The following FAM107B variants were observed in gnomAD, a reference collection of about 807,000 sequenced individuals.
FAM107B encodes protein FAM107B.
FAM107B carries 21 observed loss-of-function variants against 31.5 expected under a neutral mutation model. The ratio of observed to expected loss-of-function variants is 0.67; its 90% confidence interval spans 0.47 to 0.96. The LOEUF is 0.96. Among genes scored for constraint, FAM107B ranks in the 40% least tolerant of loss-of-function variants. The pLI, the probability that FAM107B is intolerant of heterozygous loss-of-function variation, is 0.00. For synonymous variants in FAM107B, 157 were observed against 141.5 expected, an observed-to-expected ratio of 1.11 and a Z score of -0.78; for missense variants, 452 against 377.1, an observed-to-expected ratio of 1.20 and a Z score of -1.64.
intron 2 of FAM107B, among the ~76,000 whole-genome samples, chr10:14,560,585 C>T (rs1351722677): frequency 6.6e-6 from 1 of 152,178 alleles, no homozygotes; most frequent in East Asian, 1.9e-4. Context: ...ACTGAGCAGT[C>T]GATGGAAGGC....
intron 2 of FAM107B, among the ~76,000 whole-genome samples, chr10:14,636,759 G>T (rs1853510469): frequency 6.6e-6 from 1 of 152,150 alleles, no homozygotes; most frequent in South Asian, 2.1e-4. Flanking sequence ...TGTCTACTGA[G>T]TCGAGTTCTT....
intron 2 of FAM107B, among the ~76,000 whole-genome samples, chr10:14,643,673 G>C (rs913941800): frequency 9.2e-5 from 14 of 152,140 alleles, no homozygotes; most frequent in African/African-American, 3.4e-4. Flanking sequence ...GCCTCCCAAA[G>C]TGCTGGGATT....
At chr10:14,772,385 C>T (rs1833327023) in intron 1 of FAM107B, among the ~76,000 whole-genome samples, 1 of 146,110 alleles carries the variant, frequency 6.8e-6, no homozygotes, top group African/African-American at 2.7e-5. Context: ...ATATATGCAC[C>T]TCACTGTCAC....
intron 2 of FAM107B, among the ~76,000 whole-genome samples, chr10:14,582,623 C>T (rs1851676772): frequency 6.6e-6 from 1 of 151,710 alleles, no homozygotes; most frequent in South Asian, 2.1e-4. Flanking sequence ...GTGATCTGCC[C>T]CCCTCGGCCT....
chr10:14,691,891 C>CGCAAA lies in FAM107B; in HGVS notation c.412-24201_412-24200insTTTGC, dbSNP rs765508071. 5.7e-4 allele frequency among the ~76,000 whole-genome samples: 59 copies of CGCAAA among 103,350 alleles called. 2 individuals carry two copies. Among genetic ancestry groups the CGCAAA allele is most frequent in the South Asian group, 1.1e-3 (4 of 3,580 alleles). The allele number at this position is 103,350 out of a possible 152,430, so 67.8% of individuals were successfully genotyped here. Reference sequence around the variant, plus strand: ...CCTGAGCTACAGAGTGAGACTCTGTCACAAAAAAAAAAAAAAAAAATTAAA... The same window carrying CGCAAA: ...CCTGAGCTACAGAGTGAGACTCTGTCGCAAAACAAAAAAAAAAAAAAAAAATTAAA... On this transcript the variant is annotated intron_variant, in intron 1 of 4. Transcript: ENST00000181796.
At chr10:14,660,096 T>C (rs750225588) in intron 2 of FAM107B, among the ~76,000 whole-genome samples, 4 of 152,112 alleles carry the variant, frequency 2.6e-5, no homozygotes, top group Non-Finnish European at 5.9e-5. Context: ...AAAGAGGGTG[T>C]TCTGATGAAA....
chr10:14,530,345 TAAG>T lies in FAM107B; in HGVS notation c.637_639del (p.Leu213del). On this transcript the variant is annotated inframe_deletion, in exon 3 of 5. Coordinates refer to ENST00000181796, the MANE Select transcript of FAM107B (RefSeq NM_031453.4). ...AAACCATTTTACCTTTTTTGATTCA[TAAG>T]AAGTTCTCTGTGAAGATCTTGATGG... 1 of 1,608,926 alleles carries T rather than the reference TAAG, an allele frequency of 6.2e-7. No individual in the cohort carries two copies.
intron 1 of FAM107B, among the ~76,000 whole-genome samples, chr10:14,754,371 G>A (rs189573666): frequency 2.6e-4 from 40 of 152,236 alleles, no homozygotes; most frequent in African/African-American, 8.7e-4. Context: ...GAAAGACTTC[G>A]TCACTCCCAG....
At chr10:14,694,904 C>A (rs1855229010) in intron 1 of FAM107B, among the ~76,000 whole-genome samples, 1 of 151,836 alleles carries the variant, frequency 6.6e-6, no homozygotes, top group Admixed American at 6.6e-5. Context: ...AGATATTAGC[C>A]CCTTATCAGA....
At chr10:14,741,985 A>C (rs1456082898) in intron 1 of FAM107B, among the ~76,000 whole-genome samples, 1 of 152,106 alleles carries the variant, frequency 6.6e-6, no homozygotes, top group Non-Finnish European at 1.5e-5. Context: ...AAGTGCTGGG[A>C]TTACAGGCAT....
At chr10:14,605,926 C>T (rs994034320) in intron 2 of FAM107B, among the ~76,000 whole-genome samples, 3 of 152,200 alleles carry the variant, frequency 2.0e-5, no homozygotes, top group African/African-American at 7.2e-5. Flanking sequence ...GCCACTGTTG[C>T]CTTTGGGCTC....
At chr10:14,613,594 C>A (rs763193524) in intron 2 of FAM107B, among the ~76,000 whole-genome samples, 1 of 152,172 alleles carries the variant, frequency 6.6e-6, no homozygotes, top group Non-Finnish European at 1.5e-5. Flanking sequence ...ACATTGCTTT[C>A]TCTGTCATTT....
At chr10:14,678,844 G>T (rs1386738084) in intron 1 of FAM107B, among the ~76,000 whole-genome samples, 4 of 152,194 alleles carry the variant, frequency 2.6e-5, no homozygotes, top group African/African-American at 7.2e-5. Context: ...GCGTCTCCAG[G>T]CCTCATCACA....
At chr10:14,538,015 A>T (rs1391879614) in intron 2 of FAM107B, among the ~76,000 whole-genome samples, 1 of 152,098 alleles carries the variant, frequency 6.6e-6, no homozygotes, top group Non-Finnish European at 1.5e-5. Flanking sequence ...CCAAGATTTG[A>T]CCTTGAGTCT....
chr10:14,774,546 A>C lies in FAM107B; in HGVS notation c.118T>G (p.Phe40Val). ...CFGNTRESASFNQSGVADTHS... is the reference protein window; with the variant it reads ...CFGNTRESASVNQSGVADTHS... ...GTATCAGCCACGCCGGACTGATTGA[A>C]GGAAGCACTCTCCCTCGTATTCCCA... The change falls in exon 1 of 5, where the codon TTC becomes GTC. Residue 40 changes from phenylalanine (F) to valine (V), a missense_variant. Transcript: ENST00000181796. 6.2e-7 allele frequency: 1 copy of C among 1,614,198 alleles called. No individual in the cohort carries two copies. Among genetic ancestry groups the C allele is most frequent in the Non-Finnish European group, 8.5e-7 (1 of 1,180,018 alleles).
chr10:14,711,207 G>A (rs1311782317), intron 1 of FAM107B, among the ~76,000 whole-genome samples: 8 of 152,194 alleles, frequency 5.3e-5, no homozygotes, highest in East Asian at 1.9e-4. Flanking sequence ...CACTGTGCCC[G>A]GCCATAAAAT....
chr10:14,724,047 T>C, intron 1 of FAM107B: 3 of 804,432 alleles, frequency 3.7e-6, no homozygotes, highest in South Asian at 2.9e-5. Context: ...CATCAAGGGC[T>C]CTGGACATTG....
chr10:14,625,146 A>C (rs1853123402), intron 2 of FAM107B, among the ~76,000 whole-genome samples: 1 of 151,742 alleles, frequency 6.6e-6, no homozygotes, highest in Non-Finnish European at 1.5e-5. Flanking sequence ...AATTGCTTAA[A>C]CTCGGGGAAA....
intron 2 of FAM107B, among the ~76,000 whole-genome samples, chr10:14,534,367 AC>A (rs1270586359): frequency 6.6e-6 from 1 of 151,750 alleles, no homozygotes; most frequent in East Asian, 1.9e-4. Context: ...TCTCAGTGAC[AC>A]CCCGCCCTGG....
Sources: gnomAD v4.1 joint callset for allele counts (sites outside exome capture counted in the v4.1 genomes callset) on GRCh38, gnomAD v4.1.1 for gene constraint, MANE v1.5 for transcripts, NCBI Gene and HGNC (gene_info 2026-07-23, HGNC 2026-07-21) for gene names.